Variants in COX5A observed in about 807,000 individuals in gnomAD.
COX5A encodes cytochrome c oxidase subunit 5A, also known as cytochrome c oxidase subunit 5A, mitochondrial.
In COX5A, 6 loss-of-function variants were observed where a neutral mutation model predicts 16.1. The ratio of observed to expected loss-of-function variants is 0.37; its 90% CI spans 0.20 to 0.73. The LOEUF (loss-of-function observed/expected upper bound fraction) is 0.73, where lower values mean the gene tolerates loss of function less well. COX5A is among the 30% of genes least tolerant of loss of function. The pLI, the probability that COX5A is intolerant of heterozygous loss-of-function variation, is 0.50. For synonymous variants in COX5A, 73 were observed against 73.8 expected, an observed-to-expected ratio of 0.99 and a Z score of 0.06; for missense variants, 159 against 194.9, an observed-to-expected ratio of 0.82 and a Z score of 1.10.
chr15:74,931,325 ACTCCGT>A (rs2065366302), intron 1 of COX5A, among the ~76,000 whole-genome samples: 1 of 151,704 alleles, frequency 6.6e-6, no homozygotes, highest in South Asian at 2.1e-4. Context: ...ACATTGTGAA[ACTCCGT>A]CTCTACTAAA....
intron 3 of COX5A, among the ~76,000 whole-genome samples, chr15:74,925,140 T>C (rs1405647561): frequency 1.3e-5 from 2 of 151,898 alleles, no homozygotes; most frequent in Non-Finnish European, 2.9e-5. Context: ...CTGACCAACA[T>C]GGAGAAACCC....
intron 4 of COX5A, among the ~76,000 whole-genome samples, chr15:74,921,190 G>A (rs181193899): frequency 2.1e-3 from 306 of 146,652 alleles, no homozygotes; most frequent in Admixed American, 2.7e-3. Context: ...GGCAGATCGC[G>A]AAGTCAGGAG....
intron 1 of COX5A, among the ~76,000 whole-genome samples, chr15:74,932,029 G>A (rs911043640): frequency 4.6e-5 from 7 of 152,162 alleles, no homozygotes. Context: ...CGCTCTCTCT[G>A]TTTGACCCTG....
At chr15:74,934,312 ACT>A (rs1207956914) in intron 1 of COX5A, among the ~76,000 whole-genome samples, 1 of 149,062 alleles carries the variant, frequency 6.7e-6, no homozygotes, top group Non-Finnish European at 1.5e-5. Context: ...GCTAAAACAG[ACT>A]CTCCCCACGT....
intron 1 of COX5A, among the ~76,000 whole-genome samples, chr15:74,933,945 CAT>C (rs2141274541): frequency 6.6e-6 from 1 of 152,328 alleles, no homozygotes; most frequent in African/African-American, 2.4e-5. Flanking sequence ...AGGATTTGAT[CAT>C]ATGTCTTCTG....
At chr15:74,927,459 GC>G (rs918849798) in intron 2 of COX5A, among the ~76,000 whole-genome samples, 1 of 152,102 alleles carries the variant, frequency 6.6e-6, no homozygotes, top group African/African-American at 2.4e-5. Flanking sequence ...ACAGGCATGA[GC>G]CACCACATCC....
At chr15:74,936,622 CTT>C (rs1021836626) in intron 1 of COX5A, among the ~76,000 whole-genome samples, 40 of 112,432 alleles carry the variant, frequency 3.6e-4, no homozygotes, top group Non-Finnish European at 3.5e-4. Context: ...AAAACATATT[CTT>C]TTTTTTTTTT....
At chr15:74,931,623 A>G (rs1021136264) in intron 1 of COX5A, among the ~76,000 whole-genome samples, 1 of 147,740 alleles carries the variant, frequency 6.8e-6, no homozygotes, top group Non-Finnish European at 1.5e-5. Flanking sequence ...GAACAATCTC[A>G]GCTCACTGCA....
In COX5A at chr15:74,920,373, TATC is replaced by T. The variant is rs1463852928; in HGVS notation, c.*76_*78del. On this transcript the variant is annotated 3_prime_UTR_variant, in exon 5 of 5. Transcript: ENST00000322347. ...AACTTGTTCAAATAAGGTAATATGTTATCATCAGTATTTCCAGGTAACTGTTCA... is the reference window on the plus strand; with the variant it reads ...AACTTGTTCAAATAAGGTAATATGTTATCAGTATTTCCAGGTAACTGTTCA... 3 of 694,174 alleles carry T rather than the reference TATC, an allele frequency of 4.3e-6. No homozygotes were observed. Among genetic ancestry groups the T allele is most frequent in the Non-Finnish European group, 7.9e-6 (3 of 382,126 alleles). The allele number at this position is 694,174 out of a possible 1,614,324, so 43.0% of individuals were successfully genotyped here.
chr15:74,935,277 G>A (rs1466210815), intron 1 of COX5A, among the ~76,000 whole-genome samples: 1 of 150,852 alleles, frequency 6.6e-6, no homozygotes, highest in Admixed American at 6.6e-5. Flanking sequence ...ATGACAGAGC[G>A]AGACCCTGTC....
intron 1 of COX5A, among the ~76,000 whole-genome samples, chr15:74,935,634 A>C (rs779900150): frequency 1.3e-5 from 2 of 150,098 alleles, no homozygotes; most frequent in South Asian, 2.1e-4. Context: ...TAAATAAAAA[A>C]TTTTTTTTTT....
chr15:74,931,076 T>C (rs538361226), intron 1 of COX5A, among the ~76,000 whole-genome samples: 2 of 141,856 alleles, frequency 1.4e-5, no homozygotes, highest in African/African-American at 5.3e-5. Context: ...CAAAATAAAT[T>C]ACACATCCTG....
chr15:74,927,833 C>T (rs1486813860), intron 2 of COX5A, among the ~76,000 whole-genome samples: 2 of 151,994 alleles, frequency 1.3e-5, no homozygotes, highest in Non-Finnish European at 1.5e-5. Context: ...TGGAAAACAG[C>T]CTAAAAACAG....
chr15:74,934,308 A>T (rs1029784690), intron 1 of COX5A, among the ~76,000 whole-genome samples: 1 of 151,990 alleles, frequency 6.6e-6, no homozygotes, highest in Non-Finnish European at 1.5e-5. Flanking sequence ...AAGGGCTAAA[A>T]CAGACTCTCC....
chr15:74,938,024 G>A lies in COX5A; in HGVS notation c.-10C>T, dbSNP rs1267135327. 4.1e-6 allele frequency: 5 copies of A among 1,229,728 alleles called. No individual in the cohort carries two copies. Among genetic ancestry groups the A allele is most frequent in the Non-Finnish European group, 4.1e-6 (4 of 986,526 alleles). The allele number at this position is 1,229,728 out of a possible 1,614,324, so 76.2% of individuals were successfully genotyped here. ...GAGCGGCGCCCAGCATGACGGCGAT[G>A]GCGGCGCGCGGGCTGAGGACAGAGA... On this transcript the variant is annotated 5_prime_UTR_variant, in exon 1 of 5. Transcript: ENST00000322347.
chr15:74,921,235 C>T (rs946269311), intron 4 of COX5A, among the ~76,000 whole-genome samples: 50 of 150,894 alleles, frequency 3.3e-4, no homozygotes, highest in East Asian at 1.8e-3. Context: ...GGTGAAACCC[C>T]GTCTCTACTA....
intron 4 of COX5A, among the ~76,000 whole-genome samples, chr15:74,921,709 G>A (rs2065321811): frequency 6.6e-6 from 1 of 152,066 alleles, no homozygotes; most frequent in African/African-American, 2.4e-5. Context: ...CAGCCTGGGC[G>A]ACAGAGTGAG....
chr15:74,934,851 C>T (rs528112959), intron 1 of COX5A, among the ~76,000 whole-genome samples: 3 of 151,990 alleles, frequency 2.0e-5, no homozygotes, highest in Non-Finnish European at 1.5e-5. Context: ...TTTACGTAAC[C>T]TGAAAGTCCC....
intron 1 of COX5A, among the ~76,000 whole-genome samples, chr15:74,934,479 C>T (rs779803222): frequency 6.6e-6 from 1 of 152,014 alleles, no homozygotes; most frequent in Non-Finnish European, 1.5e-5. Context: ...TACAGGCACT[C>T]GCCACCACGC....
Sources: gnomAD v4.1 joint callset for allele counts (sites outside exome capture counted in the v4.1 genomes callset) on GRCh38, gnomAD v4.1.1 for gene constraint, MANE v1.5 for transcripts, NCBI Gene and HGNC (gene_info 2026-07-23, HGNC 2026-07-21) for gene names.